The following TLN2 variants were observed in gnomAD, a reference collection of about 807,000 sequenced individuals.
TLN2 encodes the protein talin-2.
Under a neutral mutation model 294.7 loss-of-function variants are expected in TLN2, and 118 were observed. The ratio of observed to expected loss-of-function variants is 0.40; its 90% CI spans 0.34 to 0.47. The LOEUF is 0.47. Ranked by LOEUF, TLN2 falls within the 20% of genes least tolerant of loss-of-function variation. TLN2 has a pLI of 0.84. For missense variants in TLN2, 3,083 were observed against 3,282.2 expected (o/e 0.94, Z 1.48); for synonymous variants, 1,431 against 1,304.5 (o/e 1.10, Z -2.09).
intron 32 of TLN2, among the ~76,000 whole-genome samples, chr15:62,743,728 G>C (rs1423644872): frequency 6.6e-6 from 1 of 152,166 alleles, no homozygotes; most frequent in South Asian, 2.1e-4. Context: ...AAACGAAGGG[G>C]GTATCCTACC....
At chr15:62,712,102 G>T in intron 22 of TLN2, 25 bp downstream of exon 22, 1 of 1,609,884 alleles carries the variant, frequency 6.2e-7, no homozygotes, top group South Asian at 1.1e-5. Flanking sequence ...TTGTTTGTAT[G>T]AAAAGTGAAC....
chr15:62,581,165 A>C (rs112824745), intron 1 of TLN2, among the ~76,000 whole-genome samples: 1,884 of 152,178 alleles, frequency 0.012, 36 homozygotes, highest in African/African-American at 0.042. Flanking sequence ...CAGGTGTGAG[A>C]CACCGCGCCC....
intron 15 of TLN2, among the ~76,000 whole-genome samples, chr15:62,698,431 A>C (rs2058503708): frequency 6.6e-6 from 1 of 152,200 alleles, no homozygotes. Flanking sequence ...GTGCGTGAGG[A>C]GGTCCTCAGT....
At chr15:62,827,340 CAAGAGAAATCAG>C (rs1326552738) in intron 54 of TLN2, among the ~76,000 whole-genome samples, 1 of 152,016 alleles carries the variant, frequency 6.6e-6, no homozygotes, top group Non-Finnish European at 1.5e-5. Context: ...AGGAGGAGGT[CAAGAGAAATCAG>C]AAGAGAAAAG....
chr15:62,831,479 A>G (rs1432077324), intron 54 of TLN2: 2 of 151,566 alleles, frequency 1.3e-5, no homozygotes, highest in African/African-American at 4.8e-5. Flanking sequence ...CATTATTTAT[A>G]TATTTAATAT....
chr15:62,525,795 C>T (rs1337579572), intron 1 of TLN2, among the ~76,000 whole-genome samples: 1 of 152,174 alleles, frequency 6.6e-6, no homozygotes, highest in Non-Finnish European at 1.5e-5. Flanking sequence ...CTGTTCCCCC[C>T]AGCCCACACG....
chr15:62,475,910 G>A (rs893841822), intron 1 of TLN2, among the ~76,000 whole-genome samples: 3 of 152,236 alleles, frequency 2.0e-5, no homozygotes, highest in South Asian at 2.1e-4. Context: ...CAGGTAAAAT[G>A]TAAGCTTTAT....
At position 62,647,235 on chromosome 15, in the gene TLN2, T is replaced by C. The variant is rs191191909; in HGVS notation, c.-36-40T>C. The C allele has an allele frequency of 2.8e-5, 43 of 1,510,780 alleles. No homozygotes were observed. The African/African-American group carries it at 4.8e-4, about 17-fold the overall frequency. The allele number at this position is 1,510,780 out of a possible 1,614,324, so 93.6% of individuals were successfully genotyped here. On this transcript the variant is annotated intron_variant, in intron 3 of 58. Coordinates refer to ENST00000636159, the MANE Select transcript of TLN2 (RefSeq NM_015059.3). ...GTTTTTTTTTCCCCAAGACAAATTA[T>C]TATCGTGAACATCAGGGTTTGTCTC...
chr15:62,704,420 T>C (rs1443829519), intron 19 of TLN2, among the ~76,000 whole-genome samples: 1 of 152,236 alleles, frequency 6.6e-6, no homozygotes, highest in African/African-American at 2.4e-5. Flanking sequence ...CAATTTTGCA[T>C]GCCATTTTAT....
chr15:62,519,810 A>T (rs1019805241), intron 1 of TLN2, among the ~76,000 whole-genome samples: 3 of 152,248 alleles, frequency 2.0e-5, no homozygotes, highest in African/African-American at 7.2e-5. Flanking sequence ...TTGTATTTCT[A>T]GGAAAATATT....
intron 1 of TLN2, among the ~76,000 whole-genome samples, chr15:62,488,542 G>C (rs191372494): frequency 6.6e-6 from 1 of 152,178 alleles, no homozygotes; most frequent in Non-Finnish European, 1.5e-5. Flanking sequence ...CTGCAAAATG[G>C]CCAGAATTTA....
At chr15:62,810,396 C>G (rs1357073195) in intron 52 of TLN2, among the ~76,000 whole-genome samples, 1 of 152,168 alleles carries the variant, frequency 6.6e-6, no homozygotes, top group African/African-American at 2.4e-5. Flanking sequence ...GTACATCCTG[C>G]AAGGACATGG....
rs147252638 is a variant in TLN2, at chr15:62,434,812, C to G, written c.-238+44127C>G. 9.9e-5 allele frequency among the ~76,000 whole-genome samples: 15 copies of G among 152,234 alleles called. No individual in the cohort carries two copies. In the East Asian group the frequency reaches 2.9e-3, roughly 29 times the overall value. On this transcript the variant is annotated intron_variant, in intron 1 of 58. Coordinates refer to ENST00000636159, the MANE Select transcript of TLN2 (RefSeq NM_015059.3). ...TTCAGGGGAACATGTGCAGGATATG[C>G]AGGTTTGTTACATAGGTAAATGTGT...
In TLN2 at chr15:62,754,944, GCCA is replaced by G. The variant is rs1447007099; in HGVS notation, c.4477-586_4477-584del. The G allele has an allele frequency of 3.9e-5, 6 of 152,430 alleles. No individual in the cohort carries two copies. In the East Asian group the frequency reaches 7.7e-4, roughly 20 times the overall value. 9.4% of individuals were successfully genotyped at this position (152,430 alleles called of 1,614,324 possible). Reference sequence around the variant, plus strand: ...TGGATCTGGGCTCTACAGTATGGTGGCCACTGGCTACATGTGGCTGTTAAGCAC... The same window carrying G: ...TGGATCTGGGCTCTACAGTATGGTGGCTGGCTACATGTGGCTGTTAAGCAC... On this transcript the variant is annotated intron_variant, in intron 36 of 58. Transcript: ENST00000636159.
intron 54 of TLN2, 159 bp from the exon 55 acceptor site, chr15:62,833,345 A>G (rs1567706472): frequency 1.7e-6 from 2 of 1,146,242 alleles, no homozygotes; most frequent in Non-Finnish European, 2.5e-6. Flanking sequence ...GGGACCTGTC[A>G]TCTGCTTCTT....
rs899951132 is a variant in TLN2 at position 62,466,461 on chromosome 15, A to G, written c.-238+75776A>G. 5.9e-5 allele frequency among the ~76,000 whole-genome samples: 9 copies of G among 152,334 alleles called. No individual in the cohort carries two copies. In the East Asian group the frequency reaches 1.7e-3, roughly 29 times the overall value. ...CTGGCCTCTCTACCCAGTAGGTGCC[A>G]CTAGCATCCCCACCCCCTTTCAGGT... On this transcript the variant is annotated intron_variant, in intron 1 of 58. Transcript: ENST00000636159.
chr15:62,718,506 A>G (rs191786887), intron 24 of TLN2, among the ~76,000 whole-genome samples: 1 of 152,324 alleles, frequency 6.6e-6, no homozygotes, highest in Admixed American at 6.5e-5. Flanking sequence ...CTCCCACTTC[A>G]GAAATGGCCT....
chr15:62,564,458 G>T (rs1197819430), intron 1 of TLN2, among the ~76,000 whole-genome samples: 1 of 152,232 alleles, frequency 6.6e-6, no homozygotes, highest in African/African-American at 2.4e-5. Flanking sequence ...AGATTTCAGA[G>T]AATGAGAAAG....
At chr15:62,451,033 C>T (rs760645943) in intron 1 of TLN2, among the ~76,000 whole-genome samples, 4 of 151,190 alleles carry the variant, frequency 2.6e-5, no homozygotes, top group Non-Finnish European at 4.4e-5. Flanking sequence ...TGGTCTTGAA[C>T]TCCTGGCCTC....
Sources: gnomAD v4.1 joint callset for allele counts (sites outside exome capture counted in the v4.1 genomes callset) on GRCh38, gnomAD v4.1.1 for gene constraint, MANE v1.5 for transcripts, NCBI Gene and HGNC (gene_info 2026-07-23, HGNC 2026-07-21) for gene names.